Variants in LRP4 observed in about 807,000 individuals in gnomAD.
The protein encoded by LRP4 is LDL receptor related protein 4.
In LRP4, 95 loss-of-function variants were observed where a neutral mutation model predicts 220.3. That is an observed-to-expected ratio of 0.43 (90% CI 0.37 to 0.51). LRP4 has a LOEUF of 0.51. Among genes scored for constraint, LRP4 ranks in the 20% least tolerant of loss-of-function variants. The pLI is 0.00. For missense variants in LRP4, 1,925 were observed against 2,567.0 expected, an observed-to-expected ratio of 0.75 and a Z score of 5.40; for synonymous variants, 903 against 954.6, an observed-to-expected ratio of 0.95 and a Z score of 1.00.
At chr11:46,909,529 C>T (rs1235768901) in intron 1 of LRP4, among the ~76,000 whole-genome samples, 4 of 87,042 alleles carry the variant, frequency 4.6e-5, no homozygotes, top group African/African-American at 1.4e-4. Context: ...GGCGTGAACC[C>T]GGGAAGCGGA....
chr11:46,883,348 G>A (rs1352430415), intron 19 of LRP4, among the ~76,000 whole-genome samples: 4 of 152,292 alleles, frequency 2.6e-5, no homozygotes, highest in Admixed American at 2.0e-4. Context: ...GGGTTTACCC[G>A]AATGAGGGCA....
At position 46,858,714 on chromosome 11, in the gene LRP4, C is replaced by T. The variant is rs757075524; in HGVS notation, c.*269G>A. The T allele has an allele frequency of 2.2e-4, 110 of 495,560 alleles. No homozygotes were observed. The highest frequency in any genetic ancestry group is 3.7e-4 in the Non-Finnish European group (100 of 269,676). The allele number at this position is 495,560 out of a possible 1,614,324, so 30.7% of individuals were successfully genotyped here. Reference sequence around the variant, plus strand: ...ACGCTGGTGAGGAATCACGAATAAGCAGTTTCAGGGGGCCCAGGATGGAGT... The same window carrying T: ...ACGCTGGTGAGGAATCACGAATAAGTAGTTTCAGGGGGCCCAGGATGGAGT... On this transcript the variant is annotated 3_prime_UTR_variant, in exon 38 of 38. Transcript: ENST00000378623.
intron 8 of LRP4, 54 bp from the exon 9 acceptor site, chr11:46,896,389 G>A (rs939103089): frequency 2.5e-6 from 4 of 1,602,872 alleles, no homozygotes; most frequent in Admixed American, 1.7e-5. Context: ...CCAACAAAGA[G>A]ATGGGAGCCT....
chr11:46,864,631 TGTTG>T, intron 35 of LRP4, 96 bp from the exon 36 acceptor site: 1 of 840,570 alleles, frequency 1.2e-6, no homozygotes, highest in East Asian at 2.5e-5. Context: ...CTTTTGTAGG[TGTTG>T]GACCCCATAC....
chr11:46,868,420 C>A (rs1003061397), intron 33 of LRP4, among the ~76,000 whole-genome samples, 180 bp downstream of exon 33: 14 of 152,240 alleles, frequency 9.2e-5, no homozygotes, highest in African/African-American at 3.4e-4. Flanking sequence ...AGAGGGCAGA[C>A]AAACCCAGGT....
chr11:46,870,030 C>T (rs1293005910), intron 31 of LRP4, among the ~76,000 whole-genome samples: 1 of 151,516 alleles, frequency 6.6e-6, no homozygotes, highest in Non-Finnish European at 1.5e-5. Flanking sequence ...CACTTGAACC[C>T]AGGAGGTGGG....
At chr11:46,898,743 C>A in intron 6 of LRP4, 66 bp from the exon 7 acceptor site, 1 of 1,610,720 alleles carries the variant, frequency 6.2e-7, no homozygotes, top group Non-Finnish European at 8.5e-7. Flanking sequence ...ACTAGAAGGC[C>A]ACAGCCCCAG....
In LRP4 at chr11:46,874,986, C is replaced by G; in HGVS notation, c.4043G>C (p.Cys1348Ser). The G allele has an allele frequency of 6.2e-7, 1 of 1,614,164 alleles. No homozygotes were observed. The highest frequency in any genetic ancestry group is 8.5e-7 in the Non-Finnish European group (1 of 1,180,020). Residue 1348 changes from cysteine (C) to serine (S), a missense_variant, in exon 28 of 38, where the codon TGT (cysteine) becomes TCT (serine). Transcript: ENST00000378623. ...CAGGTAGGTCTCAGGAGAGGGATCA[C>G]AGGTCTTCCCATCTCCCTTCAGCTG... Reference protein sequence around the residue: ...GIQLKGDGKTCDPSPETYLLF... With the variant: ...GIQLKGDGKTSDPSPETYLLF...
At position 46,869,086 on chromosome 11, in the gene LRP4, T is replaced by C. The variant is rs1180896686; in HGVS notation, c.4739A>G (p.Gln1580Arg). 5.0e-6 allele frequency: 8 copies of C among 1,614,096 alleles called. No individual in the cohort carries two copies. In the African/African-American group the frequency reaches 9.3e-5, roughly 19 times the overall value. The change falls in exon 32 of 38, where the codon CAG becomes CGG. Residue 1580 changes from glutamine (Q) to arginine (R), a missense_variant. Physicochemically the swap from Gln to Arg is conservative, Grantham distance 43. Transcript: ENST00000378623. The part of the protein sequence containing the change: ...YWTDWQTKSI[Q>R]RVDKYSGRNK... ...CCGGCCTGAGTATTTGTCAACACGC[T>C]GGATTGACTTGGTCTGCCAGTCTGT...
chr11:46,897,119 A>G, intron 7 of LRP4, 125 bp from the exon 8 acceptor site: 1 of 1,242,812 alleles, frequency 8.0e-7, no homozygotes, highest in Middle Eastern at 2.3e-4. Context: ...CAGCTGGTCT[A>G]TATAGTGTCT....
intron 34 of LRP4, among the ~76,000 whole-genome samples, chr11:46,867,180 T>C (rs1432924426): frequency 2.6e-5 from 4 of 152,148 alleles, no homozygotes; most frequent in Non-Finnish European, 5.9e-5. Flanking sequence ...TTGAGAACTG[T>C]TCGTGTTTAT....
chr11:46,877,102 G>T, intron 23 of LRP4, 97 bp downstream of exon 23: 1 of 1,393,188 alleles, frequency 7.2e-7, no homozygotes, highest in Non-Finnish European at 1.0e-6. Context: ...CAAACACCCT[G>T]GCTCTTGGCA....
At chr11:46,863,668 A>T (rs1177698642) in intron 36 of LRP4, among the ~76,000 whole-genome samples, 1 of 151,988 alleles carries the variant, frequency 6.6e-6, no homozygotes, top group Non-Finnish European at 1.5e-5. Flanking sequence ...CTGAGGCACA[A>T]GAATTGCTTG....
rs753109967 is a variant in LRP4 at position 46,886,362 on chromosome 11, G to A, written c.2387C>T (p.Thr796Ile). 9 of 1,599,670 alleles carry A rather than the reference G, an allele frequency of 5.6e-6. No individual in the cohort carries two copies. Among genetic ancestry groups the A allele is most frequent in the Non-Finnish European group, 7.7e-6 (9 of 1,172,194 alleles). ...HVYWTDVSTD[T>I]ISRAKWDGTG... ...TCCATCCCACTTGGCCCTGCTGATG[G>A]TATCAGTGCTGACATCTGTCCAGTA... is the stretch of plus-strand genomic sequence containing the variant. Residue 796 changes from threonine to isoleucine, a missense_variant, in exon 17 of 38, where the codon ACC becomes ATC. Physicochemically the swap from Thr to Ile is moderately conservative, Grantham distance 89 (BLOSUM62 -1). This residue lies in a region of LRP4 where 1,244 missense variants were observed against 1,624.9 expected (regional missense o/e 0.77). Coordinates refer to ENST00000378623, the MANE Select transcript of LRP4 (RefSeq NM_002334.4).
At position 46,858,364 on chromosome 11, in the gene LRP4, G is replaced by A; in HGVS notation, c.*619C>T. On this transcript the variant is annotated 3_prime_UTR_variant, in exon 38 of 38. Coordinates refer to ENST00000378623, the MANE Select transcript of LRP4 (RefSeq NM_002334.4). ...TGCTGAAAAGGCAGTGTCTCTTAGG[G>A]CAAGAATAATGTCCACTGCCAGCAA... 1 of 166,668 alleles carries A rather than the reference G, an allele frequency of 6.0e-6. No homozygotes were observed. The highest frequency in any genetic ancestry group is 1.5e-4 in the South Asian group (1 of 6,522). 10.3% of individuals were successfully genotyped at this position (166,668 alleles called of 1,614,324 possible). A position where few individuals can be genotyped will look rare whatever the true frequency, so the allele number is the denominator to read the frequency against.
At position 46,880,475 on chromosome 11, in the gene LRP4, G is replaced by A. The variant is rs138443447; in HGVS notation, c.2815-1160C>T. ...AAATCAGCCGAGTGGCCTCAAACCC[G>A]TAGGCTCCTGAGTAGCTAGGGTGCA... On this transcript the variant is annotated intron_variant, in intron 20 of 37. Coordinates refer to ENST00000378623, the MANE Select transcript of LRP4 (RefSeq NM_002334.4). Among the ~76,000 whole-genome samples, 8 of 152,080 alleles carry A rather than the reference G, an allele frequency of 5.3e-5. No homozygotes were observed. The East Asian group carries it at 7.8e-4, about 15-fold the overall frequency.
At chr11:46,900,175 A>T in intron 3 of LRP4, 87 bp downstream of exon 3, 2 of 1,082,136 alleles carry the variant, frequency 1.8e-6, no homozygotes, top group Non-Finnish European at 1.4e-6. Flanking sequence ...ACAAGGGCTC[A>T]TGTGGACCTG....
intron 2 of LRP4, among the ~76,000 whole-genome samples, chr11:46,901,550 T>C (rs895854298): frequency 6.6e-5 from 10 of 152,160 alleles, no homozygotes; most frequent in Non-Finnish European, 1.2e-4. Flanking sequence ...GTCCAGGTTG[T>C]ACCTCCGTTC....
chr11:46,886,576 C>A, intron 16 of LRP4, 43 bp from the exon 17 acceptor site: 1 of 1,524,858 alleles, frequency 6.6e-7, no homozygotes, highest in South Asian at 1.1e-5. Context: ...TGCTCTAAAT[C>A]CAAGAACAGT....
Sources: gnomAD v4.1 joint callset for allele counts (sites outside exome capture counted in the v4.1 genomes callset) on GRCh38, gnomAD v4.1.1 for gene constraint, gnomAD v4.1.1 regional missense constraint, MANE v1.5 for transcripts, NCBI Gene and HGNC (gene_info 2026-07-23, HGNC 2026-07-21) for gene names.